MRC2: variants seen among roughly 807,000 people sequenced by gnomAD.
MRC2 encodes mannose receptor C-type 2.
A neutral mutation model predicts 206.2 loss-of-function variants in MRC2; 84 were observed. The ratio of observed to expected loss-of-function variants is 0.41; its 90% CI spans 0.34 to 0.49. MRC2 has a LOEUF of 0.49. Among genes scored for constraint, MRC2 ranks in the 20% least tolerant of loss-of-function variants. MRC2 has a pLI of 0.31. For missense variants in MRC2, 1,676 were observed against 2,001.5 expected, an observed-to-expected ratio of 0.84 and a Z score of 3.10; for synonymous variants, 798 against 800.0, an observed-to-expected ratio of 1.00 and a Z score of 0.04.
At position 62,681,818 on chromosome 17, in the gene MRC2, C is replaced by G; in HGVS notation, c.2703-19C>G. The stretch of plus-strand genomic sequence containing the variant: ...CTGGGGGCCGGTGCTGGAGTTACCT[C>G]TGCTCCATGCCATTGCAGATGGACA... On this transcript the variant is annotated intron_variant, in intron 18 of 29. Transcript: ENST00000303375. 1.2e-6 allele frequency: 2 copies of G among 1,602,118 alleles called. No homozygotes were observed. The highest frequency in any genetic ancestry group is 1.7e-6 in the Non-Finnish European group (2 of 1,171,390).
At chr17:62,681,732 C>G in intron 18 of MRC2, 105 bp from the exon 19 acceptor site, 1 of 894,516 alleles carries the variant, frequency 1.1e-6, no homozygotes. Flanking sequence ...AACCCCAGAA[C>G]CTGGGCCCTT....
chr17:62,645,519 AT>A (rs2088469104), intron 1 of MRC2, among the ~76,000 whole-genome samples: 1 of 66,124 alleles, frequency 1.5e-5, no homozygotes, highest in Non-Finnish European at 3.0e-5. Context: ...ATATATATAT[AT>A]ATATATATTT....
chr17:62,664,234 C>T lies in MRC2; in HGVS notation c.119-314C>T, dbSNP rs536777619. On this transcript the variant is annotated intron_variant, in intron 1 of 29. Transcript: ENST00000303375. The surrounding 1 kb of genome is among the most constrained non-coding windows in gnomAD (Gnocchi z 4.7). Reference sequence around the variant, plus strand: ...TCGGCCTCCCAAAGTGCTGGGATTACAGGCGTGAGCCACCGCGCCCGGCCT... The same window carrying T: ...TCGGCCTCCCAAAGTGCTGGGATTATAGGCGTGAGCCACCGCGCCCGGCCT... Among the ~76,000 whole-genome samples, 48 of 151,972 alleles carry T rather than the reference C, an allele frequency of 3.2e-4. No homozygotes were observed. The highest frequency in any genetic ancestry group is 6.5e-4 in the Non-Finnish European group (44 of 68,010).
chr17:62,636,244 C>T (rs1382469484), intron 1 of MRC2, among the ~76,000 whole-genome samples: 2 of 108,970 alleles, frequency 1.8e-5, no homozygotes, highest in Non-Finnish European at 3.8e-5. Context: ...GAGTGAGACC[C>T]TGTCGCAAAA....
At position 62,680,591 on chromosome 17, in the gene MRC2, C is replaced by T; in HGVS notation, c.2473+138C>T. ...AGAAGGGGGACGGGGTTGGCTCGGA[C>T]GGAGGCAGCCACAGCCCTGTTTGCT... On this transcript the variant is annotated intron_variant, in intron 16 of 29. Transcript: ENST00000303375. This position sits in a 1 kb window ranked among gnomAD's most constrained non-coding sequence, Gnocchi z 4.8. The T allele has an allele frequency of 1.5e-6, 2 of 1,353,560 alleles. No homozygotes were observed. Among genetic ancestry groups the T allele is most frequent in the East Asian group, 2.4e-5 (1 of 42,204 alleles). 83.8% of individuals were successfully genotyped at this position (1,353,560 alleles called of 1,614,324 possible).
At chr17:62,627,965 G>A in intron 1 of MRC2, 45 bp downstream of exon 1, 1 of 1,290,026 alleles carries the variant, frequency 7.8e-7, no homozygotes, top group East Asian at 3.1e-5. Flanking sequence ...CGGGCGGGGG[G>A]AGCGCCGAGG....
At chr17:62,691,760 G>C (rs550171645) in intron 28 of MRC2, among the ~76,000 whole-genome samples, 43 of 120,678 alleles carry the variant, frequency 3.6e-4, no homozygotes, top group African/African-American at 1.2e-3. Context: ...AACACAGCAA[G>C]ACCCTGTCTC....
In MRC2 at chr17:62,645,312, G is replaced by GA. The variant is rs747484975; in HGVS notation, c.118+17393dup. ...TTTCACAGATAAAGAAATTGAGCCT[G>GA]AGAGGCTAAGAGACAGGATCACAGG... is the stretch of plus-strand genomic sequence containing the variant. On this transcript the variant is annotated intron_variant, in intron 1 of 29. Coordinates refer to ENST00000303375, the MANE Select transcript of MRC2 (RefSeq NM_006039.5). Among the ~76,000 whole-genome samples the GA allele has an allele frequency of 4.6e-5, 7 of 151,790 alleles. No individual in the cohort carries two copies. In the East Asian group the frequency reaches 1.2e-3, roughly 25 times the overall value.
At position 62,680,172 on chromosome 17, in the gene MRC2, C is replaced by T. The variant is rs745859697; in HGVS notation, c.2301C>T (p.Phe767=). The T allele has an allele frequency of 1.2e-6, 2 of 1,613,974 alleles. No homozygotes were observed. The highest frequency in any genetic ancestry group is 2.7e-5 in the African/African-American group (2 of 74,920). The part of the protein sequence containing the change: ...QSWRWSDGVG[F]SYHNFDRSRH... ...TTCCCTCCACCCGCCTCCTCCAGTT[C>T]TCTTACCACAATTTCGACCGGAGCC... The change falls in exon 15 of 30, where the codon TTC becomes TTT. Residue 767 remains phenylalanine (F), a splice_region_variant and synonymous_variant. Transcript: ENST00000303375. The surrounding 1 kb of genome is among the most constrained non-coding windows in gnomAD (Gnocchi z 4.8).
At chr17:62,653,857 T>C (rs2088587011) in intron 1 of MRC2, among the ~76,000 whole-genome samples, 2 of 152,050 alleles carry the variant, frequency 1.3e-5, no homozygotes, top group Non-Finnish European at 1.5e-5. Context: ...TTCGATATCA[T>C]GTAACCCCCG....
chr17:62,628,751 G>A (rs2147419211), intron 1 of MRC2, among the ~76,000 whole-genome samples: 1 of 152,346 alleles, frequency 6.6e-6, no homozygotes, highest in Middle Eastern at 3.4e-3. Context: ...ACAGTGAAGT[G>A]TGGGGACAGA....
chr17:62,690,914 T>G (rs748825826), intron 27 of MRC2, 35 bp from the exon 28 acceptor site: 2 of 1,541,078 alleles, frequency 1.3e-6, no homozygotes, highest in Middle Eastern at 1.7e-4. Flanking sequence ...CTGCCCCACC[T>G]TGTCCCTGCT....
chr17:62,684,101 A>T (rs1025981874), intron 20 of MRC2: 6 of 152,344 alleles, frequency 3.9e-5, no homozygotes, highest in African/African-American at 1.4e-4. Flanking sequence ...TCACGTTTTT[A>T]AAAAATTTTA....
In MRC2 at chr17:62,655,897, G is replaced by A. The variant is rs568907027; in HGVS notation, c.119-8651G>A. 3.9e-5 allele frequency among the ~76,000 whole-genome samples: 6 copies of A among 152,098 alleles called. No homozygotes were observed. In the East Asian group the frequency reaches 9.6e-4, roughly 24 times the overall value. On this transcript the variant is annotated intron_variant, in intron 1 of 29. Transcript: ENST00000303375. ...CAGCCTCTCCAGCTTCATTATAAAC[G>A]CATGAGGGCAGAGGCTGTATCTTCT...
chr17:62,627,714 C>A lies in MRC2; in HGVS notation c.-89C>A. On this transcript the variant is annotated 5_prime_UTR_variant, in exon 1 of 30. Coordinates refer to ENST00000303375, the MANE Select transcript of MRC2 (RefSeq NM_006039.5). ...GAGGAGGACGCGAGCCCCTTGCGGG[C>A]GGTCATCACAGCCCAGCCTCGGGGC... 2.1e-6 allele frequency: 2 copies of A among 965,758 alleles called. No individual in the cohort carries two copies. The highest frequency in any genetic ancestry group is 2.8e-6 in the Non-Finnish European group (2 of 719,846). The allele number at this position is 965,758 out of a possible 1,614,324, so 59.8% of individuals were successfully genotyped here.
rs1439072834 is a variant in MRC2 at position 62,680,696 on chromosome 17, C to A, written c.2474-104C>A. 1 of 1,362,792 alleles carries A rather than the reference C, an allele frequency of 7.3e-7. No homozygotes were observed. The allele number at this position is 1,362,792 out of a possible 1,614,324, so 84.4% of individuals were successfully genotyped here. On this transcript the variant is annotated intron_variant, in intron 16 of 29. Coordinates refer to ENST00000303375, the MANE Select transcript of MRC2 (RefSeq NM_006039.5). This position sits in a 1 kb window ranked among gnomAD's most constrained non-coding sequence, Gnocchi z 4.8. ...TGGGTCCGGTGTGCCTGCAGGCTCGCCTGCTGCCGCCTGGCTCTGCCCCGG... is the reference window on the plus strand; with the variant it reads ...TGGGTCCGGTGTGCCTGCAGGCTCGACTGCTGCCGCCTGGCTCTGCCCCGG...
Position 62,692,634 on chromosome 17 carries a change from GGCTGAGACCCA to G in MRC2, c.*190_*200del. 1.6e-6 allele frequency: 1 copy of G among 636,328 alleles called. No individual in the cohort carries two copies. The highest frequency in any genetic ancestry group is 2.7e-6 in the Non-Finnish European group (1 of 371,564). The allele number at this position is 636,328 out of a possible 1,614,324, so 39.4% of individuals were successfully genotyped here. ...GGGTGCCACCCTCCCACAAGGGCTG[GGCTGAGACCCA>G]GCTGAGTGCAGCGTGGCGTTTCCCT... On this transcript the variant is annotated 3_prime_UTR_variant, in exon 30 of 30. Transcript: ENST00000303375. The surrounding 1 kb of genome is among the most constrained non-coding windows in gnomAD (Gnocchi z 4.2).
Position 62,664,113 on chromosome 17 carries a change from C to T in MRC2, c.119-435C>T, listed in dbSNP as rs1477610027. ...TAGCTGGGACTACAGGCGCCCGCCACTACGCCCGGCTAATTTTTTGTATTT... is the reference window on the plus strand; with the variant it reads ...TAGCTGGGACTACAGGCGCCCGCCATTACGCCCGGCTAATTTTTTGTATTT... On this transcript the variant is annotated intron_variant, in intron 1 of 29. Coordinates refer to ENST00000303375, the MANE Select transcript of MRC2 (RefSeq NM_006039.5). This position sits in a 1 kb window ranked among gnomAD's most constrained non-coding sequence, Gnocchi z 4.7. 6.6e-6 allele frequency among the ~76,000 whole-genome samples: 1 copy of T among 151,778 alleles called. No individual in the cohort carries two copies. Among genetic ancestry groups the T allele is most frequent in the Non-Finnish European group, 1.5e-5 (1 of 67,926 alleles).
chr17:62,681,689 T>A, intron 18 of MRC2, 148 bp from the exon 19 acceptor site: 1 of 649,768 alleles, frequency 1.5e-6, no homozygotes, highest in Non-Finnish European at 2.7e-6. Flanking sequence ...TGCCCTGAGC[T>A]CAGTAGCTCC....
Sources: allele counts gnomAD v4.1 joint callset (sites outside exome capture counted in the v4.1 genomes callset), GRCh38; gene constraint gnomAD v4.1.1; non-coding constraint Gnocchi (gnomAD v3.1); transcripts MANE v1.5; gene names NCBI Gene and HGNC (gene_info 2026-07-23, HGNC 2026-07-21).